SNAP91: variants seen among roughly 807,000 people sequenced by gnomAD.
SNAP91 encodes the protein synaptosome associated protein 91, also known as clathrin coat assembly protein AP180.
A neutral mutation model predicts 100.3 loss-of-function variants in SNAP91; 27 were observed. The observed-to-expected ratio is 0.27, with a 90% CI of 0.20 to 0.37. The LOEUF is 0.37. Among genes scored for constraint, SNAP91 ranks in the 10% least tolerant of loss-of-function variants. The pLI, the probability that SNAP91 is intolerant of heterozygous loss-of-function variation, is 1.00. For synonymous variants in SNAP91, 404 were observed against 398.6 expected (o/e 1.01, Z -0.16); for missense variants, 986 against 1,123.7 (o/e 0.88, Z 1.75).
At chr6:83,601,626 T>A in intron 14 of SNAP91, 27 bp from the exon 15 acceptor site, 4 of 1,608,808 alleles carry the variant, frequency 2.5e-6, no homozygotes, top group Non-Finnish European at 3.4e-6. Flanking sequence ...CATGGCAGCA[T>A]AAGAATAAAT....
intron 24 of SNAP91, among the ~76,000 whole-genome samples, chr6:83,578,408 A>G (rs1822877222): frequency 6.6e-6 from 1 of 152,028 alleles, no homozygotes; most frequent in African/African-American, 2.4e-5. Context: ...TCTCCATCCT[A>G]TTGGGTATAA....
intron 2 of SNAP91, chr6:83,689,594 T>C (rs182893223): frequency 6.6e-6 from 1 of 152,186 alleles, no homozygotes; most frequent in East Asian, 1.9e-4. Flanking sequence ...TAAAAATACC[T>C]AGTAAAAATT....
chr6:83,554,928 CTCTT>C (rs1775559600), intron 29 of SNAP91, among the ~76,000 whole-genome samples: 1 of 152,156 alleles, frequency 6.6e-6, no homozygotes, highest in Non-Finnish European at 1.5e-5. Flanking sequence ...GTCTCTGTCT[CTCTT>C]TCTCTTTGTC....
chr6:83,703,911 T>C (rs567000084), intron 2 of SNAP91, among the ~76,000 whole-genome samples: 1 of 152,336 alleles, frequency 6.6e-6, no homozygotes, highest in Non-Finnish European at 1.5e-5. Context: ...GTAGCATATA[T>C]AGAAATCACT....
At chr6:83,571,725 T>C (rs564382280) in intron 26 of SNAP91, among the ~76,000 whole-genome samples, 2 of 152,296 alleles carry the variant, frequency 1.3e-5, no homozygotes, top group South Asian at 2.1e-4. Context: ...TGGTGGACTG[T>C]TGGGAAGGCA....
chr6:83,701,615 T>C (rs547529844), intron 2 of SNAP91, among the ~76,000 whole-genome samples: 1 of 152,160 alleles, frequency 6.6e-6, no homozygotes, highest in East Asian at 1.9e-4. Context: ...CCTGGCTAAC[T>C]TTTTTGTATT....
At chr6:83,684,850 T>A (rs1275282404) in intron 2 of SNAP91, among the ~76,000 whole-genome samples, 3 of 152,290 alleles carry the variant, frequency 2.0e-5, no homozygotes, top group African/African-American at 7.2e-5. Flanking sequence ...CATGCTGCAA[T>A]GACTCCACTT....
In SNAP91 at chr6:83,641,108, G is replaced by A; in HGVS notation, c.753C>T (p.Leu251=). 6.6e-7 allele frequency: 1 copy of A among 1,523,122 alleles called. No individual in the cohort carries two copies. The highest frequency in any genetic ancestry group is 8.8e-7 in the Non-Finnish European group (1 of 1,136,296). The allele number at this position is 1,523,122 out of a possible 1,614,324, so 94.4% of individuals were successfully genotyped here. A position where few individuals can be genotyped will look rare whatever the true frequency, so the allele number is the denominator to read the frequency against. The change falls in exon 8 of 30, where the codon CTC becomes CTT. Residue 251 remains leucine (L), a synonymous_variant. Coordinates refer to ENST00000369694, the MANE Select transcript of SNAP91 (RefSeq NM_001242792.2). The part of the protein sequence containing the change: ...LTRMTRVSEF[L]KVAEQVGIDK... Reference sequence around the variant, plus strand: ...TAATATTACTTACCTCTGCAACCTTGAGAAATTCAGACACTCGTGTCATTC... The same window carrying A: ...TAATATTACTTACCTCTGCAACCTTAAGAAATTCAGACACTCGTGTCATTC...
At chr6:83,612,839 C>T (rs184094583) in intron 11 of SNAP91, among the ~76,000 whole-genome samples, 2 of 143,840 alleles carry the variant, frequency 1.4e-5, no homozygotes, top group Admixed American at 1.5e-4. Flanking sequence ...TGCAGCGAGC[C>T]GAGATCGCAC....
chr6:83,616,836 A>G (rs1221616188), intron 10 of SNAP91, 133 bp downstream of exon 10: 1 of 573,068 alleles, frequency 1.7e-6, no homozygotes, highest in African/African-American at 1.9e-5. Context: ...AGGGGTTCTG[A>G]GGGAGCCCAG....
intron 26 of SNAP91, among the ~76,000 whole-genome samples, chr6:83,567,824 G>A (rs557469138): frequency 4.0e-5 from 6 of 149,416 alleles, no homozygotes; most frequent in East Asian, 2.0e-4. Flanking sequence ...TTAGGATGGC[G>A]ATCATTAAAA....
At chr6:83,613,383 A>G (rs1185546185) in intron 11 of SNAP91, among the ~76,000 whole-genome samples, 1 of 152,224 alleles carries the variant, frequency 6.6e-6, no homozygotes, top group East Asian at 1.9e-4. Context: ...TCTATAATCA[A>G]TAAATTAACC....
chr6:83,610,797 G>GTTGGATTAACTT (rs1387907632), intron 11 of SNAP91, 120 bp from the exon 12 acceptor site: 127 of 205,494 alleles, frequency 6.2e-4, no homozygotes, highest in African/African-American at 3.2e-3. Flanking sequence ...GATTTCACTT[G>GTTGGATTAACTT]GTCAAGCACT....
In SNAP91 at chr6:83,645,246, C is replaced by CT. The variant is rs963656094; in HGVS notation, c.659-4045dup. On this transcript the variant is annotated intron_variant, in intron 7 of 29. Transcript: ENST00000369694. ...CACAGGGTAAAGGGATATATCCTGACTTTTTTTTTTTTAGAAAAATACTTT... is the reference window on the plus strand; with the variant it reads ...CACAGGGTAAAGGGATATATCCTGACTTTTTTTTTTTTTAGAAAAATACTTT... Among the ~76,000 whole-genome samples the CT allele has an allele frequency of 3.1e-3, 448 of 145,020 alleles. 2 individuals are homozygous for CT. The highest frequency in any genetic ancestry group is 0.018 in the Middle Eastern group (5 of 282).
At chr6:83,682,186 T>G (rs1009954435) in intron 2 of SNAP91, among the ~76,000 whole-genome samples, 1 of 149,892 alleles carries the variant, frequency 6.7e-6, no homozygotes, top group African/African-American at 2.5e-5. Flanking sequence ...TTTTTTTTTT[T>G]TTTTTCCTTG....
At chr6:83,652,152 T>C (rs13205540) in intron 7 of SNAP91, among the ~76,000 whole-genome samples, 28,232 of 152,088 alleles carry the variant, frequency 0.19, 3,330 homozygotes, top group South Asian at 0.3. Context: ...AGATCTACTC[T>C]GGTAATCTCT....
intron 8 of SNAP91, among the ~76,000 whole-genome samples, chr6:83,637,042 G>A (rs187485351): frequency 2.3e-4 from 35 of 152,238 alleles, no homozygotes; most frequent in African/African-American, 3.4e-4. Flanking sequence ...TTGCAGTCTC[G>A]TAGACAGCTC....
chr6:83,623,426 T>C, intron 8 of SNAP91, 84 bp from the exon 9 acceptor site: 1 of 918,314 alleles, frequency 1.1e-6, no homozygotes, highest in Non-Finnish European at 1.7e-6. Flanking sequence ...CACAATTAGT[T>C]TAAACAGCTC....
chr6:83,618,062 T>C (rs1193352991), intron 9 of SNAP91, among the ~76,000 whole-genome samples: 1 of 151,894 alleles, frequency 6.6e-6, no homozygotes, highest in African/African-American at 2.4e-5. Flanking sequence ...ACTGTATCTT[T>C]TACACTGTAC....
Sources: gnomAD v4.1 joint callset for allele counts (sites outside exome capture counted in the v4.1 genomes callset) on GRCh38, gnomAD v4.1.1 for gene constraint, MANE v1.5 for transcripts, NCBI Gene and HGNC (gene_info 2026-07-23, HGNC 2026-07-21) for gene names.